The following RARB variants were observed in gnomAD, a reference collection of about 807,000 sequenced individuals.
The protein encoded by RARB is retinoic acid receptor beta.
Under a neutral mutation model 51.9 loss-of-function variants are expected in RARB, and 17 were observed. The observed-to-expected ratio is 0.33, with a 90% confidence interval of 0.22 to 0.49. The LOEUF is 0.49. Among genes scored for constraint, RARB ranks in the 20% least tolerant of loss-of-function variants. The pLI, the probability that RARB is intolerant of heterozygous loss-of-function variation, is 0.99. For synonymous variants in RARB, 215 were observed against 195.4 expected, an observed-to-expected ratio of 1.10 and a Z score of -0.84; for missense variants, 369 against 550.8, an observed-to-expected ratio of 0.67 and a Z score of 3.30.
chr3:25,261,882 T>C (rs906230967), intron 5 of RARB, among the ~76,000 whole-genome samples: 1 of 152,074 alleles, frequency 6.6e-6, no homozygotes, highest in Non-Finnish European at 1.5e-5. Context: ...CTCTTCTGAC[T>C]CTCACTAATT....
chr3:25,314,653 A>AT (rs990915754), intron 5 of RARB, among the ~76,000 whole-genome samples: 2 of 152,054 alleles, frequency 1.3e-5, no homozygotes, highest in African/African-American at 2.4e-5. Flanking sequence ...CTGGTGGAGT[A>AT]TTTTTTTATA....
At chr3:24,874,053 A>C (rs1702997275) in intron 2 of RARB, among the ~76,000 whole-genome samples, 1 of 152,088 alleles carries the variant, frequency 6.6e-6, no homozygotes, top group South Asian at 2.1e-4. Flanking sequence ...GTAATCTAGA[A>C]ATGATTTGAA....
At chr3:25,137,297 G>A (rs1286310733) in intron 4 of RARB, among the ~76,000 whole-genome samples, 1 of 151,978 alleles carries the variant, frequency 6.6e-6, no homozygotes, top group East Asian at 1.9e-4. Context: ...TTCTTACATA[G>A]GACAGAGCTT....
chr3:25,498,159 AG>A (rs757533386), intron 2 of RARB, among the ~76,000 whole-genome samples: 1 of 152,206 alleles, frequency 6.6e-6, no homozygotes, highest in Non-Finnish European at 1.5e-5. Context: ...AGTAAGCCAG[AG>A]ATAAATGGTT....
At chr3:25,044,852 C>A (rs1698182032) in intron 2 of RARB, among the ~76,000 whole-genome samples, 1 of 152,162 alleles carries the variant, frequency 6.6e-6, no homozygotes, top group Admixed American at 6.5e-5. Context: ...AATCTTTGAA[C>A]CATTCTTTCC....
intron 5 of RARB, among the ~76,000 whole-genome samples, chr3:25,214,444 G>T (rs1701771274): frequency 6.6e-6 from 1 of 152,134 alleles, no homozygotes; most frequent in Non-Finnish European, 1.5e-5. Flanking sequence ...AGGTAGGTGG[G>T]TTCAGTAGCT....
intron 5 of RARB, among the ~76,000 whole-genome samples, chr3:25,330,925 A>G (rs1704874333): frequency 6.6e-6 from 1 of 152,246 alleles, no homozygotes; most frequent in Non-Finnish European, 1.5e-5. Context: ...AAAGAGACAA[A>G]GAAGGCCATT....
At chr3:25,101,430 A>G (rs538004156) in intron 3 of RARB, among the ~76,000 whole-genome samples, 2 of 152,278 alleles carry the variant, frequency 1.3e-5, no homozygotes, top group Admixed American at 1.3e-4. Flanking sequence ...AGAAAATTGT[A>G]TTATCTAGAA....
intron 5 of RARB, among the ~76,000 whole-genome samples, chr3:25,587,641 C>T (rs1701448900): frequency 6.6e-6 from 1 of 152,198 alleles, no homozygotes; most frequent in Admixed American, 6.5e-5. Context: ...AGGCTGGCTA[C>T]AGGTCCCATT....
At chr3:25,265,767 T>C (rs909088518) in intron 5 of RARB, among the ~76,000 whole-genome samples, 1 of 152,144 alleles carries the variant, frequency 6.6e-6, no homozygotes, top group African/African-American at 2.4e-5. Context: ...CCACCATGGC[T>C]GTCCAACAAA....
chr3:25,565,109 C>A (rs1245494683), intron 3 of RARB, among the ~76,000 whole-genome samples: 4 of 152,166 alleles, frequency 2.6e-5, no homozygotes, highest in African/African-American at 7.2e-5. Flanking sequence ...CCTGTAGCAT[C>A]CTTCATTGTA....
At chr3:25,487,823 G>A (rs1238796353) in intron 2 of RARB, among the ~76,000 whole-genome samples, 5 of 152,140 alleles carry the variant, frequency 3.3e-5, no homozygotes, top group South Asian at 2.1e-4. Context: ...TCACTAAGGC[G>A]TCATGCTCTG....
At chr3:25,221,203 C>T (rs1701941199) in intron 5 of RARB, among the ~76,000 whole-genome samples, 1 of 151,978 alleles carries the variant, frequency 6.6e-6, no homozygotes, top group Non-Finnish European at 1.5e-5. Context: ...GAGGAACTAC[C>T]AACACTGAAC....
intron 5 of RARB, among the ~76,000 whole-genome samples, chr3:25,174,877 C>A (rs1700713153): frequency 6.6e-6 from 1 of 152,074 alleles, no homozygotes; most frequent in African/African-American, 2.4e-5. Context: ...AAGAAATTGG[C>A]CATATGATAA....
At chr3:25,403,610 C>T (rs949238213) in intron 5 of RARB, among the ~76,000 whole-genome samples, 2 of 151,892 alleles carry the variant, frequency 1.3e-5, no homozygotes, top group Non-Finnish European at 2.9e-5. Context: ...ACTTTAGAAC[C>T]AGAATAAAAA....
chr3:25,208,889 A>G (rs1189143324), intron 5 of RARB, among the ~76,000 whole-genome samples: 5 of 152,240 alleles, frequency 3.3e-5, no homozygotes, highest in African/African-American at 1.2e-4. Context: ...GAGTTCATCA[A>G]AAGGTCTTTC....
chr3:25,533,960 G>A (rs189779401), intron 3 of RARB, among the ~76,000 whole-genome samples: 4 of 152,210 alleles, frequency 2.6e-5, no homozygotes, highest in African/African-American at 9.6e-5. Context: ...TGCTCTTAGG[G>A]GGCTTCTCAG....
intron 2 of RARB, among the ~76,000 whole-genome samples, chr3:24,901,186 A>G (rs1412604564): frequency 2.6e-5 from 4 of 152,378 alleles, no homozygotes; most frequent in Middle Eastern, 3.4e-3. Context: ...TAACAGCTAC[A>G]TAATGATTTC....
chr3:25,477,749 C>T (rs1228900698), intron 2 of RARB, among the ~76,000 whole-genome samples: 2 of 152,180 alleles, frequency 1.3e-5, no homozygotes, highest in African/African-American at 4.8e-5. Context: ...GTCCCAGTTA[C>T]CATTGCTGTA....
Sources: gnomAD v4.1 joint callset for allele counts (sites outside exome capture counted in the v4.1 genomes callset) on GRCh38, gnomAD v4.1.1 for gene constraint, MANE v1.5 for transcripts, NCBI Gene and HGNC (gene_info 2026-07-23, HGNC 2026-07-21) for gene names.